The following FNIP2 variants were observed in gnomAD, a reference collection of about 807,000 sequenced individuals.
FNIP2 encodes the protein folliculin-interacting protein 2.
Under a neutral mutation model 108.7 loss-of-function variants are expected in FNIP2, and 32 were observed. That is an observed-to-expected ratio of 0.29 (90% CI 0.22 to 0.40). The LOEUF is 0.40. Ranked by LOEUF, FNIP2 falls within the 10% of genes least tolerant of loss-of-function variation. FNIP2 has a pLI of 1.00. For synonymous variants in FNIP2, 480 were observed against 496.7 expected (o/e 0.97, Z 0.45); for missense variants, 1,202 against 1,381.6 (o/e 0.87, Z 2.06).
At chr4:158,779,936 C>T (rs1412388079) in intron 1 of FNIP2, among the ~76,000 whole-genome samples, 2 of 151,750 alleles carry the variant, frequency 1.3e-5, no homozygotes, top group African/African-American at 2.4e-5. Context: ...AGGCCAGGCA[C>T]GGTGGCTCAT....
intron 1 of FNIP2, among the ~76,000 whole-genome samples, chr4:158,785,327 G>A (rs182952761): frequency 2.6e-5 from 4 of 151,920 alleles, no homozygotes; most frequent in East Asian, 1.9e-4. Flanking sequence ...CTTGAGTTCC[G>A]CCCACCTTAG....
intron 14 of FNIP2, chr4:158,871,403 A>G: frequency 2.0e-6 from 2 of 985,418 alleles, no homozygotes; most frequent in Non-Finnish European, 2.4e-6. Flanking sequence ...TTGGCCAACA[A>G]GTATTTTTTT....
At position 158,859,133 on chromosome 4, in the gene FNIP2, G is replaced by T. The variant is rs756355603; in HGVS notation, c.934G>T (p.Ala312Ser). The T allele has an allele frequency of 6.8e-6, 11 of 1,613,866 alleles. No individual in the cohort carries two copies. The Admixed American group carries it at 8.3e-5, about 12-fold the overall frequency. ...AGCTATGGTTAGGAGGAAGAAAATT[G>T]CCATAAGCATCATCTTTTCCCTATG... The part of the protein sequence containing the change: ...NPAMVRRKKI[A>S]ISIIFSLCEK... The change falls in exon 9 of 17, where the codon GCC becomes TCC. Residue 312 changes from alanine to serine, a missense_variant. This residue lies in a region of FNIP2 where 878 missense variants were observed against 990.3 expected (regional missense o/e 0.89). Coordinates refer to ENST00000264433, the MANE Select transcript of FNIP2 (RefSeq NM_020840.3).
chr4:158,887,805 G>A (rs969013543), intron 14 of FNIP2, among the ~76,000 whole-genome samples: 1 of 148,798 alleles, frequency 6.7e-6, no homozygotes, highest in Non-Finnish European at 1.5e-5. Context: ...GTGCAGGTAT[G>A]TATTTCTGTG....
intron 14 of FNIP2, among the ~76,000 whole-genome samples, chr4:158,876,009 A>G (rs969687837): frequency 6.6e-6 from 1 of 152,244 alleles, no homozygotes; most frequent in African/African-American, 2.4e-5. Context: ...ACATGTGCAC[A>G]CATGTCACAC....
intron 1 of FNIP2, among the ~76,000 whole-genome samples, chr4:158,787,133 C>T (rs1248083162): frequency 1.3e-5 from 2 of 152,074 alleles, no homozygotes; most frequent in Non-Finnish European, 2.9e-5. Context: ...TATTTTCAGC[C>T]CCCATGAGTG....
intron 14 of FNIP2, among the ~76,000 whole-genome samples, chr4:158,885,648 C>T (rs1272844636): frequency 6.6e-6 from 1 of 152,172 alleles, no homozygotes; most frequent in African/African-American, 2.4e-5. Context: ...TTCTATGCTA[C>T]ACGTTTCAAC....
chr4:158,855,636 C>T (rs1779942349), intron 8 of FNIP2, among the ~76,000 whole-genome samples: 1 of 152,022 alleles, frequency 6.6e-6, no homozygotes, highest in African/African-American at 2.4e-5. Flanking sequence ...TTAGTAGAGA[C>T]GGAGTTTCAC....
At chr4:158,889,932 T>C in intron 14 of FNIP2, 11 of 985,382 alleles carry the variant, frequency 1.1e-5, no homozygotes, top group Non-Finnish European at 1.3e-5. Context: ...TGAAGCCTTG[T>C]ATCTTTAGTT....
At chr4:158,818,613 C>G (rs1777705454) in intron 1 of FNIP2, among the ~76,000 whole-genome samples, 1 of 152,130 alleles carries the variant, frequency 6.6e-6, no homozygotes. Flanking sequence ...ATCTCAGCCC[C>G]TGGAGGAAGT....
intron 14 of FNIP2, among the ~76,000 whole-genome samples, chr4:158,873,792 C>T (rs1271802551): frequency 2.0e-5 from 3 of 152,224 alleles, no homozygotes; most frequent in African/African-American, 7.2e-5. Context: ...ATAGGTTATA[C>T]AGCTGCCTTA....
intron 14 of FNIP2, among the ~76,000 whole-genome samples, chr4:158,881,432 GGTCTCCCTCTCCCTCTC>G (rs1781615291): frequency 8.4e-6 from 1 of 119,328 alleles, no homozygotes; most frequent in Non-Finnish European, 1.8e-5. Flanking sequence ...CTCTTTCCAC[GGTCTCCCTCTCCCTCTC>G]TTTCCACGGT....
chr4:158,821,983 G>T (rs1777907047), intron 1 of FNIP2, among the ~76,000 whole-genome samples: 1 of 151,944 alleles, frequency 6.6e-6, no homozygotes, highest in South Asian at 2.1e-4. Context: ...CCAGCTACTT[G>T]GGGGGCTGAG....
At chr4:158,897,576 A>C (rs1463812131) in intron 16 of FNIP2, among the ~76,000 whole-genome samples, 4 of 152,110 alleles carry the variant, frequency 2.6e-5, no homozygotes, top group South Asian at 2.1e-4. Flanking sequence ...TTTGATTTGC[A>C]TTTCTCTGAT....
At chr4:158,780,372 T>C (rs1029563182) in intron 1 of FNIP2, among the ~76,000 whole-genome samples, 3 of 152,238 alleles carry the variant, frequency 2.0e-5, no homozygotes, top group Admixed American at 6.5e-5. Context: ...AGAATGCTTT[T>C]AGAATAGCTA....
intron 1 of FNIP2, among the ~76,000 whole-genome samples, chr4:158,813,337 C>A (rs753079474): frequency 7.2e-5 from 11 of 152,218 alleles, no homozygotes; most frequent in Admixed American, 1.3e-4. Flanking sequence ...CACATCCCCA[C>A]CAGCATTTGG....
Position 158,859,602 on chromosome 4 carries a change from G to T in FNIP2, c.1084G>T (p.Ala362Ser). The T allele has an allele frequency of 6.2e-7, 1 of 1,613,418 alleles. No individual in the cohort carries two copies. Among genetic ancestry groups the T allele is most frequent in the East Asian group, 2.2e-5 (1 of 44,852 alleles). ...GGCTATGATCTCCTGTAGGAAAATAGCAGAATCAAGTCTCCGAGTCCAGTT... is the reference window on the plus strand; with the variant it reads ...GGCTATGATCTCCTGTAGGAAAATATCAGAATCAAGTCTCCGAGTCCAGTT... Reference protein sequence around the residue: ...EKAMISCRKIAESSLRVQFYV... With the variant: ...EKAMISCRKISESSLRVQFYV... Residue 362 changes from alanine to serine, a missense_variant, in exon 10 of 17, where the codon GCA becomes TCA. Ala to Ser is a moderately conservative substitution (Grantham distance 99, BLOSUM62 1). Coordinates refer to ENST00000264433, the MANE Select transcript of FNIP2 (RefSeq NM_020840.3).
chr4:158,803,477 G>A (rs1776830813), intron 1 of FNIP2, among the ~76,000 whole-genome samples: 1 of 152,212 alleles, frequency 6.6e-6, no homozygotes, highest in African/African-American at 2.4e-5. Flanking sequence ...TACTCTCTGA[G>A]TTGCTCTAAT....
In FNIP2 at chr4:158,825,905, T is replaced by C. The variant is rs375808749; in HGVS notation, c.108-11T>C. On this transcript the variant is annotated splice_polypyrimidine_tract_variant and intron_variant, in intron 1 of 16. Transcript: ENST00000264433. The stretch of plus-strand genomic sequence containing the variant: ...GATAACATAACTTCTTTTGCCCTTT[T>C]TAATCCACAGTTGGTCATGTTCGGA... The C allele has an allele frequency of 2.5e-6, 4 of 1,602,516 alleles. No individual in the cohort carries two copies. Among genetic ancestry groups the C allele is most frequent in the African/African-American group, 2.7e-5 (2 of 74,716 alleles).
Sources: allele counts gnomAD v4.1 joint callset (sites outside exome capture counted in the v4.1 genomes callset), GRCh38; gene constraint gnomAD v4.1.1; regional missense constraint gnomAD v4.1.1; transcripts MANE v1.5; gene names NCBI Gene and HGNC (gene_info 2026-07-23, HGNC 2026-07-21).